The following FOCAD variants were observed in gnomAD, a reference collection of about 807,000 sequenced individuals.
The protein encoded by FOCAD is KIAA1797.
Under a neutral mutation model 225.6 loss-of-function variants are expected in FOCAD, and 198 were observed. That is an observed-to-expected ratio of 0.88 (90% CI 0.78 to 0.99). FOCAD has a LOEUF of 0.99. Among genes scored for constraint, FOCAD ranks in the 50% least tolerant of loss-of-function variants. FOCAD has a pLI of 0.00. For missense variants in FOCAD, 2,713 were observed against 2,123.6 expected, an observed-to-expected ratio of 1.28 and a Z score of -5.46; for synonymous variants, 897 against 755.0, an observed-to-expected ratio of 1.19 and a Z score of -3.08.
rs148751361 is a variant in FOCAD at position 20,990,652 on chromosome 9, G to C, written c.5256+278G>C. On this transcript the variant is annotated intron_variant, in intron 42 of 43. Transcript: ENST00000338382. ...ATTTATTGAAGGCACTTGTTTTCTT[G>C]ATCCTGGGGAGGAAAGGGTGAGTAT... Among the ~76,000 whole-genome samples the C allele has an allele frequency of 1.2e-4, 18 of 152,308 alleles. No homozygotes were observed. The East Asian group carries it at 3.5e-3, about 29-fold the overall frequency.
At chr9:20,677,200 A>G (rs1049250555) in intron 2 of FOCAD, among the ~76,000 whole-genome samples, 39 of 152,318 alleles carry the variant, frequency 2.6e-4, no homozygotes, top group African/African-American at 8.9e-4. Context: ...CCCTTACCTC[A>G]CCCCATGTGA....
At chr9:20,894,040 C>G (rs1045497842) in intron 21 of FOCAD, among the ~76,000 whole-genome samples, 2 of 152,132 alleles carry the variant, frequency 1.3e-5, no homozygotes, top group Non-Finnish European at 2.9e-5. Flanking sequence ...TTCATCCCTT[C>G]CTTCTCTCTA....
upstream of FOCAD, among the ~76,000 whole-genome samples, chr9:20,656,402 G>A (rs1018287925): frequency 2.6e-5 from 4 of 152,212 alleles, no homozygotes; most frequent in African/African-American, 7.2e-5. Flanking sequence ...TTATTATTGT[G>A]TGGGAGTCTA....
chr9:20,730,013 G>C (rs890727363), intron 4 of FOCAD, among the ~76,000 whole-genome samples: 2 of 152,106 alleles, frequency 1.3e-5, no homozygotes, highest in African/African-American at 4.8e-5. Flanking sequence ...TAGGGGAAGA[G>C]GGTTAAGGAA....
At chr9:20,925,843 A>G (rs1834886540) in intron 25 of FOCAD, among the ~76,000 whole-genome samples, 1 of 152,218 alleles carries the variant, frequency 6.6e-6, no homozygotes, top group South Asian at 2.1e-4. Flanking sequence ...TGACAACTAA[A>G]TGGTAATAGT....
chr9:20,878,369 G>A (rs1485868629), intron 19 of FOCAD, among the ~76,000 whole-genome samples: 1 of 152,078 alleles, frequency 6.6e-6, no homozygotes, highest in Non-Finnish European at 1.5e-5. Flanking sequence ...GAGTGGTTGT[G>A]GTCTAGAAAT....
chr9:20,947,801 C>T (rs573430093), intron 30 of FOCAD, among the ~76,000 whole-genome samples: 8 of 152,186 alleles, frequency 5.3e-5, no homozygotes, highest in South Asian at 2.1e-4. Context: ...GTTTTAAGCT[C>T]GTAATGTTAT....
At chr9:20,850,825 G>C (rs978101175) in intron 15 of FOCAD, among the ~76,000 whole-genome samples, 1 of 148,570 alleles carries the variant, frequency 6.7e-6, no homozygotes, top group African/African-American at 2.5e-5. Context: ...CCTTAACCAG[G>C]TAATTTCCCC....
rs886354174 is a variant in FOCAD, at chr9:20,871,096, C to T, written c.2191-3585C>T. 2.0e-5 allele frequency among the ~76,000 whole-genome samples: 3 copies of T among 151,560 alleles called. No homozygotes were observed. The East Asian group carries it at 5.8e-4, about 29-fold the overall frequency. On this transcript the variant is annotated intron_variant, in intron 18 of 43. Coordinates refer to ENST00000338382, the MANE Select transcript of FOCAD (RefSeq NM_001375567.1). ...TGCGGGGCCTGTAATCCCAGCTACTCGGGAGGCTGAGGTAGGAGAATTGCT... is the reference window on the plus strand; with the variant it reads ...TGCGGGGCCTGTAATCCCAGCTACTTGGGAGGCTGAGGTAGGAGAATTGCT...
chr9:20,825,549 C>T (rs1337064597), intron 15 of FOCAD, among the ~76,000 whole-genome samples: 1 of 151,910 alleles, frequency 6.6e-6, no homozygotes, highest in Non-Finnish European at 1.5e-5. Flanking sequence ...TAAAATAAAA[C>T]AAATTAATAA....
intron 5 of FOCAD, among the ~76,000 whole-genome samples, chr9:20,748,670 A>C (rs1174734352): frequency 6.6e-6 from 1 of 152,108 alleles, no homozygotes; most frequent in African/African-American, 2.4e-5. Context: ...AATACTTTTC[A>C]AGGGCCATCT....
intron 39 of FOCAD, among the ~76,000 whole-genome samples, chr9:20,984,374 A>C (rs1234896819): frequency 6.6e-6 from 1 of 152,198 alleles, no homozygotes; most frequent in Non-Finnish European, 1.5e-5. Context: ...GCTTCTTAAA[A>C]ATTGTTGAGG....
chr9:20,710,799 A>G (rs1930050), intron 1 of FOCAD, among the ~76,000 whole-genome samples: 60,987 of 151,856 alleles, frequency 0.4, 12,471 homozygotes, highest in East Asian at 0.49. Context: ...TATTTTGTTT[A>G]TTTACCCTAG....
intron 35 of FOCAD, among the ~76,000 whole-genome samples, chr9:20,960,740 CA>C (rs1838632449): frequency 6.7e-6 from 1 of 149,502 alleles, no homozygotes; most frequent in African/African-American, 2.5e-5. Context: ...CCCCCTCCCC[CA>C]ACCCCACAAC....
At chr9:20,797,983 T>G (rs1181564585) in intron 11 of FOCAD, among the ~76,000 whole-genome samples, 1 of 152,188 alleles carries the variant, frequency 6.6e-6, no homozygotes, top group Non-Finnish European at 1.5e-5. Flanking sequence ...GGCTGTGGGT[T>G]TGTCATAGAT....
At chr9:20,713,551 T>C (rs1247414170) in intron 1 of FOCAD, among the ~76,000 whole-genome samples, 4 of 152,222 alleles carry the variant, frequency 2.6e-5, no homozygotes, top group Non-Finnish European at 5.9e-5. Flanking sequence ...TCTTCTAACA[T>C]ATTTTATGTA....
intron 24 of FOCAD, among the ~76,000 whole-genome samples, chr9:20,918,991 G>A (rs1267089750): frequency 6.6e-6 from 1 of 151,950 alleles, no homozygotes; most frequent in Admixed American, 6.6e-5. Context: ...TTTGGGTCAG[G>A]GTATGGCTTG....
intron 30 of FOCAD, among the ~76,000 whole-genome samples, chr9:20,947,411 G>C (rs1325733640): frequency 6.6e-6 from 1 of 152,136 alleles, no homozygotes; most frequent in East Asian, 1.9e-4. Context: ...AGCAAACACT[G>C]TGTGCTTTTA....
intron 15 of FOCAD, among the ~76,000 whole-genome samples, chr9:20,832,040 C>CT (rs1165925265): frequency 6.6e-6 from 1 of 151,970 alleles, no homozygotes; most frequent in Non-Finnish European, 1.5e-5. Flanking sequence ...TTTATAGTGT[C>CT]TTTTTAGGGT....
Sources: allele counts gnomAD v4.1 joint callset (sites outside exome capture counted in the v4.1 genomes callset), GRCh38; gene constraint gnomAD v4.1.1; transcripts MANE v1.5; gene names NCBI Gene and HGNC (gene_info 2026-07-23, HGNC 2026-07-21).